Variants in CACNA1G observed in about 807,000 individuals in gnomAD.
The protein encoded by CACNA1G is voltage-dependent T-type calcium channel subunit alpha-1G.
In CACNA1G, 67 loss-of-function variants were observed where a neutral mutation model predicts 219.4. The ratio of observed to expected loss-of-function variants is 0.31; its 90% CI spans 0.25 to 0.37. CACNA1G has a LOEUF of 0.37. Ranked by LOEUF, CACNA1G falls within the 10% of genes least tolerant of loss-of-function variation. CACNA1G has a pLI of 1.00. For missense variants in CACNA1G, 2,380 were observed against 3,231.4 expected (o/e 0.74, Z 6.39); for synonymous variants, 1,296 against 1,345.3 (o/e 0.96, Z 0.80).
rs912740921 is a variant in CACNA1G, at chr17:50,561,037, G to T, written c.-423G>T. ...CCTTAGATCCGGCTCCAGCTGCGCC[G>T]CGGGAAGAGGGGGCGCCCCTCCCCG... On this transcript the variant is annotated 5_prime_UTR_variant, in exon 1 of 38. Coordinates refer to ENST00000359106, the MANE Select transcript of CACNA1G (RefSeq NM_018896.5). 6.0e-6 allele frequency: 2 copies of T among 331,184 alleles called. No homozygotes were observed. The highest frequency in any genetic ancestry group is 1.2e-5 in the Non-Finnish European group (2 of 173,128). 20.5% of individuals were successfully genotyped at this position (331,184 alleles called of 1,614,324 possible). A position where few individuals can be genotyped will look rare whatever the true frequency, so the allele number is the denominator to read the frequency against.
In CACNA1G at chr17:50,591,528, G is replaced by A. The variant is rs757500986; in HGVS notation, c.2547G>A (p.Pro849=). The A allele has an allele frequency of 5.0e-6, 8 of 1,611,966 alleles. No homozygotes were observed. Among genetic ancestry groups the A allele is most frequent in the South Asian group, 3.3e-5 (3 of 90,628 alleles). Residue 849 remains proline, a synonymous_variant, in exon 11 of 38, where the codon CCG becomes CCA. Transcript: ENST00000359106. ...MRVLKLVRFL[P]ALQRQLVVLM... ...TGCTGAAGCTGGTGCGCTTCCTGCC[G>A]GCGCTGCAGCGGCAGCTGGTGGTGC... is the stretch of plus-strand genomic sequence containing the variant.
chr17:50,576,361 C>T (rs748417573), intron 8 of CACNA1G, 35 bp downstream of exon 8: 21 of 1,550,368 alleles, frequency 1.4e-5, no homozygotes, highest in African/African-American at 2.7e-5. Context: ...TGGGTGCCCT[C>T]GTCTGGGGAC....
At chr17:50,567,168 A>G (rs1213602368) in intron 1 of CACNA1G, among the ~76,000 whole-genome samples, 1 of 152,202 alleles carries the variant, frequency 6.6e-6, no homozygotes, top group Non-Finnish European at 1.5e-5. Context: ...ACTCAGAAAA[A>G]CAATTCCGTG....
intron 22 of CACNA1G, 85 bp downstream of exon 22, chr17:50,604,366 G>T: frequency 6.7e-7 from 1 of 1,496,896 alleles, no homozygotes; most frequent in Non-Finnish European, 9.1e-7. Context: ...GGCTCAAGCT[G>T]CTGTTGCTGC....
In CACNA1G at chr17:50,618,480, T is replaced by C; in HGVS notation, c.5427+137T>C. ...CGTGCTAGAACACTCTGGAACTCCC[T>C]CTCCCAGGAACATGCTCTGACTCAC... On this transcript the variant is annotated intron_variant, in intron 32 of 37. Transcript: ENST00000359106. The surrounding 1 kb of genome is among the most constrained non-coding windows in gnomAD (Gnocchi z 5.3). The C allele has an allele frequency of 7.8e-7, 1 of 1,277,706 alleles. No individual in the cohort carries two copies. Among genetic ancestry groups the C allele is most frequent in the Non-Finnish European group, 1.1e-6 (1 of 905,436 alleles). The allele number at this position is 1,277,706 out of a possible 1,614,324, so 79.1% of individuals were successfully genotyped here.
At position 50,624,357 on chromosome 17, in the gene CACNA1G, C is replaced by T. The variant is rs1567793798; in HGVS notation, c.6230-3C>T. The T allele has an allele frequency of 6.4e-7, 1 of 1,568,134 alleles. No homozygotes were observed. Among genetic ancestry groups the T allele is most frequent in the Non-Finnish European group, 8.7e-7 (1 of 1,155,502 alleles). Reference sequence around the variant, plus strand: ...CCCCTCCCCCGCTTCCCTCCCTCCACAGGCTCCGTCTTGTCCGTTCACTCC... The same window carrying T: ...CCCCTCCCCCGCTTCCCTCCCTCCATAGGCTCCGTCTTGTCCGTTCACTCC... On this transcript the variant is annotated splice_polypyrimidine_tract_variant and splice_region_variant and intron_variant, in intron 36 of 37. Coordinates refer to ENST00000359106, the MANE Select transcript of CACNA1G (RefSeq NM_018896.5).
At chr17:50,612,969 C>T (rs2049558519) in intron 26 of CACNA1G, among the ~76,000 whole-genome samples, 1 of 152,208 alleles carries the variant, frequency 6.6e-6, no homozygotes, top group South Asian at 2.1e-4. Context: ...ATTTCTTCTC[C>T]ACACCTGGGT....
chr17:50,617,577 T>C lies in CACNA1G; in HGVS notation c.5155+6T>C, dbSNP rs778296832. 2 of 1,613,684 alleles carry C rather than the reference T, an allele frequency of 1.2e-6. No homozygotes were observed. The highest frequency in any genetic ancestry group is 4.5e-5 in the East Asian group (2 of 44,882). The stretch of plus-strand genomic sequence containing the variant: ...GGTGCTGCGCATTGCCCGAGGTTGG[T>C]GCCCAGCCCACGCACCTGCCCTCCT... On this transcript the variant is annotated splice_donor_region_variant and intron_variant, in intron 29 of 37. Coordinates refer to ENST00000359106, the MANE Select transcript of CACNA1G (RefSeq NM_018896.5). This position sits in a 1 kb window ranked among gnomAD's most constrained non-coding sequence, Gnocchi z 5.8.
intron 1 of CACNA1G, among the ~76,000 whole-genome samples, chr17:50,564,863 G>A (rs937431873): frequency 3.3e-5 from 5 of 152,116 alleles, no homozygotes; most frequent in African/African-American, 9.7e-5. Context: ...TTGAGGGGGG[G>A]CCAGATCACC....
intron 24 of CACNA1G, chr17:50,607,578 G>A: frequency 2.0e-6 from 1 of 497,992 alleles, no homozygotes; most frequent in South Asian, 2.7e-5. Flanking sequence ...TGGGAAGACT[G>A]GGCTTGCATT....
At chr17:50,590,777 C>A (rs905930146) in intron 10 of CACNA1G, among the ~76,000 whole-genome samples, 155 bp downstream of exon 10, 1 of 152,138 alleles carries the variant, frequency 6.6e-6, no homozygotes, top group Non-Finnish European at 1.5e-5. Context: ...AGGTGGGGGG[C>A]TCTCTGTGTC....
intron 4 of CACNA1G, among the ~76,000 whole-genome samples, chr17:50,570,787 CAGTT>C (rs1281639092): frequency 2.0e-5 from 3 of 152,002 alleles, no homozygotes; most frequent in Non-Finnish European, 4.4e-5. Flanking sequence ...GAATTGATCT[CAGTT>C]GGAGCACAGA....
intron 9 of CACNA1G, among the ~76,000 whole-genome samples, chr17:50,585,112 G>A (rs2042747080): frequency 6.6e-6 from 1 of 152,102 alleles, no homozygotes; most frequent in African/African-American, 2.4e-5. Context: ...CTGTGCAGGT[G>A]GACAAGGCAC....
chr17:50,599,217 C>T (rs947997158), intron 16 of CACNA1G, among the ~76,000 whole-genome samples: 4 of 152,204 alleles, frequency 2.6e-5, no homozygotes, highest in African/African-American at 9.7e-5. Context: ...GATGAGGAAA[C>T]AGATGCACAG....
At position 50,596,886 on chromosome 17, in the gene CACNA1G, C is replaced by T. The variant is rs540523933; in HGVS notation, c.3221C>T (p.Ser1074Leu). The part of the protein sequence containing the change: ...PASRRTSSSG[S>L]AEPGAAHEMK... The stretch of plus-strand genomic sequence containing the variant: ...TCGCGCCGCACCAGCAGCAGCGGGT[C>T]GGCAGAGCCTGGGGCGGCCCACGAG... The change falls in exon 16 of 38, where the codon TCG becomes TTG. Residue 1074 changes from serine (S) to leucine (L), a missense_variant. Coordinates refer to ENST00000359106, the MANE Select transcript of CACNA1G (RefSeq NM_018896.5). The surrounding 1 kb of genome is among the most constrained non-coding windows in gnomAD (Gnocchi z 4.8). The T allele has an allele frequency of 8.2e-6, 13 of 1,584,722 alleles. No individual in the cohort carries two copies. In the South Asian group the frequency reaches 1.1e-4, roughly 14 times the overall value.
intron 24 of CACNA1G, 110 bp from the exon 25 acceptor site, chr17:50,607,717 G>C: frequency 1.2e-6 from 1 of 855,962 alleles, no homozygotes; most frequent in South Asian, 1.5e-5. Flanking sequence ...TCCATCGCCT[G>C]TCAGGCGGCT....
intron 13 of CACNA1G, among the ~76,000 whole-genome samples, chr17:50,593,010 G>A (rs2044674064): frequency 1.3e-5 from 2 of 152,224 alleles, no homozygotes; most frequent in South Asian, 4.1e-4. Context: ...GTGGGGTGCA[G>A]CGTATCTGTC....
At chr17:50,575,167 A>G (rs535837624) in intron 7 of CACNA1G, among the ~76,000 whole-genome samples, 59 of 152,344 alleles carry the variant, frequency 3.9e-4, no homozygotes, top group African/African-American at 1.4e-3. Flanking sequence ...CCTAATGGAA[A>G]TTGCGGAAGG....
At chr17:50,608,362 C>A (rs1172179313) in intron 25 of CACNA1G, among the ~76,000 whole-genome samples, 1 of 152,036 alleles carries the variant, frequency 6.6e-6, no homozygotes, top group African/African-American at 2.4e-5. Flanking sequence ...TGCCCCATGC[C>A]AGCATCCAGA....
Sources: allele counts gnomAD v4.1 joint callset (sites outside exome capture counted in the v4.1 genomes callset), GRCh38; gene constraint gnomAD v4.1.1; non-coding constraint Gnocchi (gnomAD v3.1); transcripts MANE v1.5; gene names NCBI Gene and HGNC (gene_info 2026-07-23, HGNC 2026-07-21).